METTL16: variants seen among roughly 807,000 people sequenced by gnomAD.
The protein encoded by METTL16 is RNA N(6)-adenosine-methyltransferase METTL16.
In METTL16, 19 loss-of-function variants were observed where a neutral mutation model predicts 57.9. That is an observed-to-expected ratio of 0.33 (90% CI 0.23 to 0.48). The LOEUF is 0.48. Ranked by LOEUF, METTL16 falls within the 20% of genes least tolerant of loss-of-function variation. METTL16 has a pLI of 0.99. For missense variants in METTL16, 434 were observed against 691.5 expected, an observed-to-expected ratio of 0.63 and a Z score of 4.18; for synonymous variants, 246 against 255.6, an observed-to-expected ratio of 0.96 and a Z score of 0.36.
chr17:2,464,392 C>T, intron 5 of METTL16, 42 bp from the exon 6 acceptor site: 1 of 1,529,680 alleles, frequency 6.5e-7, no homozygotes, highest in Middle Eastern at 1.8e-4. Context: ...TGTGTACACC[C>T]CAAGAACCAA....
chr17:2,473,425 C>T (rs1597460689), intron 4 of METTL16, 99 bp downstream of exon 4: 2 of 1,348,098 alleles, frequency 1.5e-6, no homozygotes, highest in Non-Finnish European at 2.0e-6. Context: ...TTTTAAATTA[C>T]CGAAGTCTGT....
intron 2 of METTL16, among the ~76,000 whole-genome samples, chr17:2,490,518 AACTG>A (rs1297078677): frequency 3.3e-5 from 5 of 152,222 alleles, no homozygotes; most frequent in African/African-American, 1.2e-4. Context: ...AGGGTGAAAG[AACTG>A]ACTTTTTGTA....
At chr17:2,507,038 G>A (rs1567909503) in intron 1 of METTL16, among the ~76,000 whole-genome samples, 3 of 151,014 alleles carry the variant, frequency 2.0e-5, no homozygotes, top group African/African-American at 4.9e-5. Context: ...AGTGAGGATC[G>A]TCTCCACCCG....
chr17:2,507,717 G>A (rs1018638286), intron 1 of METTL16, among the ~76,000 whole-genome samples: 3 of 152,234 alleles, frequency 2.0e-5, no homozygotes, highest in Non-Finnish European at 2.9e-5. Flanking sequence ...TTGAGAAATC[G>A]GATGGTTGCC....
At chr17:2,452,136 C>CAAAAAAAAAAAAA in intron 6 of METTL16, among the ~76,000 whole-genome samples, 1 of 62,174 alleles carries the variant, frequency 1.6e-5, no homozygotes, top group Non-Finnish European at 4.3e-5. Flanking sequence ...GCCCTTGTCT[C>CAAAAAAAAAAAAA]AAAAAAAAAA....
chr17:2,441,686 T>C (rs1207860683), intron 6 of METTL16, 127 bp from the exon 7 acceptor site: 1 of 491,346 alleles, frequency 2.0e-6, no homozygotes, highest in Non-Finnish European at 3.4e-6. Context: ...AAGTGAAAAA[T>C]ATCAGGAATT....
Position 2,477,666 on chromosome 17 carries a change from A to C in METTL16, c.328+20T>G, listed in dbSNP as rs536839221. 1 of 1,583,004 alleles carries C rather than the reference A, an allele frequency of 6.3e-7. No individual in the cohort carries two copies. The highest frequency in any genetic ancestry group is 1.3e-5 in the African/African-American group (1 of 74,268). Reference sequence around the variant, plus strand: ...ACTTATGAAAACTGTTTAGCCAAAAAAGAATTTAAAATGATATACCTATGT... The same window carrying C: ...ACTTATGAAAACTGTTTAGCCAAAACAGAATTTAAAATGATATACCTATGT... On this transcript the variant is annotated intron_variant, in intron 3 of 9. Transcript: ENST00000263092.
chr17:2,463,096 C>T (rs1318381409), intron 6 of METTL16, among the ~76,000 whole-genome samples: 1 of 152,196 alleles, frequency 6.6e-6, no homozygotes, highest in African/African-American at 2.4e-5. Flanking sequence ...CCCTCCTCTG[C>T]AACTGGTTAG....
At chr17:2,508,620 C>G (rs1026449638) in intron 1 of METTL16, among the ~76,000 whole-genome samples, 3 of 152,116 alleles carry the variant, frequency 2.0e-5, no homozygotes, top group Admixed American at 6.6e-5. Context: ...TGGCCCAGGT[C>G]ATTATCATGT....
chr17:2,467,902 C>G (rs950348465), intron 4 of METTL16, 26 bp from the exon 5 acceptor site: 3 of 1,492,416 alleles, frequency 2.0e-6, no homozygotes, highest in Non-Finnish European at 1.9e-6. Flanking sequence ...GGACTGTGAA[C>G]TAATATTAAT....
intron 1 of METTL16, among the ~76,000 whole-genome samples, chr17:2,506,111 A>G (rs1360671542): frequency 1.3e-5 from 2 of 151,152 alleles, no homozygotes; most frequent in Non-Finnish European, 2.9e-5. Flanking sequence ...TATTCTTTTT[A>G]TCTGTAACGT....
In METTL16 at chr17:2,432,045, C is replaced by T. The variant is rs555739207; in HGVS notation, c.888+6064G>A. On this transcript the variant is annotated intron_variant, in intron 8 of 9. Transcript: ENST00000263092. ...CTGCACACTCTGTCTCCCAGGTTCA[C>T]GCCGTTCTCCAGCCTCAGCCTCTGG... Among the ~76,000 whole-genome samples the T allele has an allele frequency of 5.3e-5, 8 of 152,134 alleles. No individual in the cohort carries two copies. In the East Asian group the frequency reaches 9.7e-4, roughly 18 times the overall value.
intron 8 of METTL16, among the ~76,000 whole-genome samples, chr17:2,435,998 G>A (rs1292669615): frequency 2.0e-5 from 3 of 152,146 alleles, no homozygotes; most frequent in Non-Finnish European, 4.4e-5. Context: ...AGGGCCCGGA[G>A]GACTCGGTCT....
intron 6 of METTL16, among the ~76,000 whole-genome samples, chr17:2,443,300 C>T (rs1377613922): frequency 6.6e-6 from 1 of 152,150 alleles, no homozygotes; most frequent in Non-Finnish European, 1.5e-5. Flanking sequence ...GAATAGTTCT[C>T]TATCAATTAA....
chr17:2,461,869 G>A (rs752948386), intron 6 of METTL16, among the ~76,000 whole-genome samples: 23 of 152,058 alleles, frequency 1.5e-4, no homozygotes, highest in Non-Finnish European at 3.1e-4. Flanking sequence ...GTGAGCCACC[G>A]TGCCCAGCCT....
intron 2 of METTL16, among the ~76,000 whole-genome samples, chr17:2,496,150 A>C (rs1451643207): frequency 2.0e-5 from 3 of 151,540 alleles, no homozygotes; most frequent in African/African-American, 4.9e-5. Context: ...AACAAAACAA[A>C]AAAAAAGAAA....
At chr17:2,491,739 G>A (rs989466209) in intron 2 of METTL16, among the ~76,000 whole-genome samples, 5 of 150,732 alleles carry the variant, frequency 3.3e-5, no homozygotes, top group African/African-American at 1.2e-4. Flanking sequence ...GCCAGGCGTG[G>A]TGGTGGGAGC....
chr17:2,497,365 T>C (rs546064669), intron 2 of METTL16, among the ~76,000 whole-genome samples: 4 of 129,138 alleles, frequency 3.1e-5, no homozygotes, highest in African/African-American at 1.2e-4. Context: ...CAGGCTGGAG[T>C]GTAGTGGCAC....
chr17:2,481,961 C>A (rs2067310309), intron 2 of METTL16, among the ~76,000 whole-genome samples: 1 of 152,104 alleles, frequency 6.6e-6, no homozygotes, highest in Non-Finnish European at 1.5e-5. Flanking sequence ...GATGTCCACA[C>A]AGCACCATTC....
Sources: gnomAD v4.1 joint callset for allele counts (sites outside exome capture counted in the v4.1 genomes callset) on GRCh38, gnomAD v4.1.1 for gene constraint, MANE v1.5 for transcripts, NCBI Gene and HGNC (gene_info 2026-07-23, HGNC 2026-07-21) for gene names.